HELZ: variants seen among roughly 807,000 people sequenced by gnomAD.
The protein encoded by HELZ is ATP-dependent RNA helicase with zinc finger domain.
A neutral mutation model predicts 218.2 loss-of-function variants in HELZ; 23 were observed. The observed-to-expected ratio is 0.11, with a 90% CI of 0.08 to 0.15. The LOEUF (loss-of-function observed/expected upper bound fraction) is 0.15. Ranked by LOEUF, HELZ falls within the 10% of genes least tolerant of loss-of-function variation. HELZ has a pLI of 1.00. For missense variants in HELZ, 1,813 were observed against 2,353.7 expected (o/e 0.77, Z 4.75); for synonymous variants, 814 against 829.4 (o/e 0.98, Z 0.32).
At chr17:67,155,635 G>A (rs1165919522) in intron 17 of HELZ, among the ~76,000 whole-genome samples, 2 of 152,058 alleles carry the variant, frequency 1.3e-5, no homozygotes, top group African/African-American at 4.8e-5. Context: ...CCAGGAGTTC[G>A]AGGCCAGCCT....
intron 2 of HELZ, among the ~76,000 whole-genome samples, chr17:67,241,775 A>G (rs2041320060): frequency 6.6e-6 from 1 of 152,248 alleles, no homozygotes. Context: ...CTAGCTTCCC[A>G]GCCAAAAGGA....
intron 17 of HELZ, among the ~76,000 whole-genome samples, chr17:67,158,962 G>C (rs2038921702): frequency 6.6e-6 from 1 of 152,092 alleles, no homozygotes; most frequent in African/African-American, 2.4e-5. Flanking sequence ...TTACTCCACT[G>C]TTTTCACACC....
At chr17:67,203,547 A>G in intron 5 of HELZ, 104 bp from the exon 6 acceptor site, 1 of 1,317,766 alleles carries the variant, frequency 7.6e-7, no homozygotes, top group Non-Finnish European at 1.1e-6. Context: ...TTATATGCTA[A>G]AAGAGTAACT....
intron 12 of HELZ, among the ~76,000 whole-genome samples, chr17:67,186,573 T>C (rs2039761320): frequency 6.6e-6 from 1 of 152,182 alleles, no homozygotes; most frequent in Non-Finnish European, 1.5e-5. Flanking sequence ...CATCACCACC[T>C]TTTCTAATTA....
intron 18 of HELZ, among the ~76,000 whole-genome samples, chr17:67,150,797 G>C (rs1036849730): frequency 6.6e-6 from 1 of 152,162 alleles, no homozygotes; most frequent in African/African-American, 2.4e-5. Flanking sequence ...CTTCAGTAAA[G>C]AGCCAAACAG....
intron 30 of HELZ, among the ~76,000 whole-genome samples, 186 bp from the exon 31 acceptor site, chr17:67,107,871 C>G (rs1213697595): frequency 6.6e-6 from 1 of 152,160 alleles, no homozygotes; most frequent in African/African-American, 2.4e-5. Flanking sequence ...ATTAAATATG[C>G]TCAATTACCT....
At chr17:67,099,920 G>A (rs527335070) in intron 31 of HELZ, among the ~76,000 whole-genome samples, 2 of 152,238 alleles carry the variant, frequency 1.3e-5, no homozygotes, top group African/African-American at 4.8e-5. Flanking sequence ...GATAATTTAA[G>A]CATGAATAGA....
chr17:67,221,051 CA>C (rs2040732488), intron 3 of HELZ, among the ~76,000 whole-genome samples: 1 of 152,020 alleles, frequency 6.6e-6, no homozygotes, highest in Non-Finnish European at 1.5e-5. Context: ...CAATAAAAGT[CA>C]AAAATAATTT....
At chr17:67,149,722 A>G in intron 19 of HELZ, 145 bp downstream of exon 19, 2 of 419,918 alleles carry the variant, frequency 4.8e-6, no homozygotes, top group Non-Finnish European at 8.4e-6. Context: ...AAATAACAGT[A>G]TTTTTCACTA....
chr17:67,173,965 C>T (rs1241352138), intron 13 of HELZ, among the ~76,000 whole-genome samples: 1 of 152,236 alleles, frequency 6.6e-6, no homozygotes, highest in African/African-American at 2.4e-5. Context: ...AGCTAAAGCA[C>T]ATTTCCTTTG....
chr17:67,169,221 T>C (rs1260322880), intron 13 of HELZ, among the ~76,000 whole-genome samples: 1 of 152,204 alleles, frequency 6.6e-6, no homozygotes, highest in Admixed American at 6.5e-5. Context: ...GTGGCAACAT[T>C]TTCTCCTTTT....
At chr17:67,128,392 G>T (rs1286958148) in intron 24 of HELZ, 2 of 479,550 alleles carry the variant, frequency 4.2e-6, no homozygotes, top group Non-Finnish European at 7.5e-6. Context: ...GGATTAGAAG[G>T]TTATTTTATA....
rs147265471 is a variant in HELZ at position 67,140,332 on chromosome 17, G to A, written c.2770-2218C>T. 4.3e-3 allele frequency among the ~76,000 whole-genome samples: 653 copies of A among 152,262 alleles called. 8 individuals are homozygous for A. The highest frequency in any genetic ancestry group is 0.015 in the African/African-American group (610 of 41,558). ...AAGTTCTGCCCAGGAGACGGTGAGC[G>A]GAAGGCTCACAAACTGGCAAAATTC... is the stretch of plus-strand genomic sequence containing the variant. On this transcript the variant is annotated intron_variant, in intron 21 of 32. Transcript: ENST00000358691.
chr17:67,227,679 T>C (rs986575230), intron 3 of HELZ, among the ~76,000 whole-genome samples: 3 of 152,138 alleles, frequency 2.0e-5, no homozygotes, highest in Non-Finnish European at 4.4e-5. Flanking sequence ...TTTTGAAGAA[T>C]TGCATCATAG....
intron 32 of HELZ, among the ~76,000 whole-genome samples, chr17:67,080,764 G>C (rs2036163801): frequency 6.6e-6 from 1 of 152,192 alleles, no homozygotes; most frequent in Admixed American, 6.5e-5. Context: ...TGTCCTAAGG[G>C]AGTTCTGGGA....
rs1466986415 is a variant in HELZ at position 67,166,566 on chromosome 17, T to A, written c.1807A>T (p.Met603Leu). 3.0e-5 allele frequency: 49 copies of A among 1,613,280 alleles called. No homozygotes were observed. Among genetic ancestry groups the A allele is most frequent in the Non-Finnish European group, 4.0e-5 (47 of 1,179,302 alleles). The change falls in exon 15 of 33, where the codon ATG becomes TTG. Residue 603 changes from methionine (M) to leucine (L), a missense_variant. Around this residue, in one of 4 missense-constraint regions of HELZ, gnomAD observed 714 missense variants for 1,029.2 expected, o/e 0.69. Coordinates refer to ENST00000358691, the MANE Select transcript of HELZ (RefSeq NM_014877.4). The stretch of plus-strand genomic sequence containing the variant: ...TTGATCCTGTCTAGTGCATAGTGCA[T>A]TTCACAGAGGGGTAATCGATTTAAT... ...FQLNRLPLCE[M>L]HYALDRIKDN...
chr17:67,093,130 A>T (rs1337774796), intron 31 of HELZ, among the ~76,000 whole-genome samples: 1 of 152,240 alleles, frequency 6.6e-6, no homozygotes, highest in Non-Finnish European at 1.5e-5. Context: ...TTAAAAATCA[A>T]AAACAAAACA....
At chr17:67,150,130 CTTTTTTTTTTT>C (rs11408678) in intron 18 of HELZ, 145 bp from the exon 19 acceptor site, 6 of 180,110 alleles carry the variant, frequency 3.3e-5, no homozygotes, top group South Asian at 1.1e-4. Context: ...TATTTTCTTT[CTTTTTTTTTTT>C]TTTTTTTTTT....
chr17:67,191,459 AT>A (rs1221812604), intron 9 of HELZ, among the ~76,000 whole-genome samples: 23 of 148,596 alleles, frequency 1.5e-4, no homozygotes, highest in South Asian at 2.1e-4. Context: ...TACTTTGATA[AT>A]TTTTTTTTTT....
Sources: gnomAD v4.1 joint callset for allele counts (sites outside exome capture counted in the v4.1 genomes callset) on GRCh38, gnomAD v4.1.1 for gene constraint, gnomAD v4.1.1 regional missense constraint, MANE v1.5 for transcripts, NCBI Gene and HGNC (gene_info 2026-07-23, HGNC 2026-07-21) for gene names.